Variants in C4orf50 observed in about 807,000 individuals in gnomAD.
C4orf50 encodes uncharacterized protein C4orf50.
Under a neutral mutation model 77.2 loss-of-function variants are expected in C4orf50, and 80 were observed. The observed-to-expected ratio is 1.04, with a 90% CI of 0.87 to 1.25. The LOEUF (loss-of-function observed/expected upper bound fraction) is 1.25, where lower values mean the gene tolerates loss of function less well. Ranked by LOEUF, C4orf50 falls within the 50% of genes most tolerant of loss-of-function variation. The pLI, the probability that C4orf50 is intolerant of heterozygous loss-of-function variation, is 0.00. For synonymous variants in C4orf50, 532 were observed against 465.3 expected, an observed-to-expected ratio of 1.14 and a Z score of -1.84; for missense variants, 1,257 against 1,152.9, an observed-to-expected ratio of 1.09 and a Z score of -1.31.
At chr4:5,945,918 T>C (rs1718461403) in intron 7 of C4orf50, among the ~76,000 whole-genome samples, 1 of 152,148 alleles carries the variant, frequency 6.6e-6, no homozygotes, top group African/African-American at 2.4e-5. Flanking sequence ...ATGACGTCCC[T>C]GGCTCCCTCG....
chr4:5,974,646 C>G (rs1159363716), intron 30 of C4orf50, among the ~76,000 whole-genome samples: 2 of 152,152 alleles, frequency 1.3e-5, no homozygotes, highest in Non-Finnish European at 2.9e-5. Flanking sequence ...CCACTCTGCC[C>G]TGAGGCCAGA....
intron 24 of C4orf50, among the ~76,000 whole-genome samples, chr4:6,010,177 C>T (rs957283407): frequency 2.6e-5 from 4 of 152,044 alleles, no homozygotes; most frequent in Admixed American, 1.3e-4. Flanking sequence ...ATATTTTCCA[C>T]GGAGACATCA....
At chr4:5,990,418 T>A in exon 28 of C4orf50, 1 of 410,812 alleles carries the variant, frequency 2.4e-6, no homozygotes, top group Middle Eastern at 6.2e-4. Flanking sequence ...GTCTTTCAGA[T>A]CCTTGGGGTG....
intron 7 of C4orf50, among the ~76,000 whole-genome samples, chr4:5,920,359 G>A (rs1349512210): frequency 6.6e-6 from 1 of 152,154 alleles, no homozygotes; most frequent in Non-Finnish European, 1.5e-5. Flanking sequence ...ATGATGAAGT[G>A]AGTTGAGGTG....
intron 7 of C4orf50, among the ~76,000 whole-genome samples, chr4:5,906,845 A>G (rs531848318): frequency 1.1e-3 from 164 of 152,334 alleles, no homozygotes; most frequent in African/African-American, 3.7e-3. Flanking sequence ...AGGAATAAGC[A>G]AGACAAAAAT....
exon 31 of C4orf50, chr4:5,973,798 C>T (rs776133301): frequency 1.3e-5 from 21 of 1,613,316 alleles, no homozygotes; most frequent in East Asian, 4.5e-5. Context: ...GGTGATCAGG[C>T]GGTTCCTCTC....
chr4:5,988,077 G>C (rs1271802581), intron 28 of C4orf50, among the ~76,000 whole-genome samples: 1 of 152,200 alleles, frequency 6.6e-6, no homozygotes, highest in Admixed American at 6.5e-5. Flanking sequence ...TCTAAGAAGA[G>C]GGGCAGGCTT....
At chr4:5,952,735 C>T (rs989971940), downstream of C4orf50, among the ~76,000 whole-genome samples, 1 of 152,154 alleles carries the variant, frequency 6.6e-6, no homozygotes, top group Non-Finnish European at 1.5e-5. The surrounding 1 kb of genome is among the most constrained non-coding windows in gnomAD (Gnocchi z 4.4). Flanking sequence ...TACTTAGATC[C>T]TCAGGGAGAA....
chr4:5,973,188 G>A (rs925933852), intron 31 of C4orf50, among the ~76,000 whole-genome samples: 1 of 152,188 alleles, frequency 6.6e-6, no homozygotes, highest in African/African-American at 2.4e-5. Context: ...GGGGCCACGT[G>A]CAATGGAGCA....
chr4:5,926,835 AG>A (rs35282482), intron 7 of C4orf50, among the ~76,000 whole-genome samples: 3 of 152,174 alleles, frequency 2.0e-5, no homozygotes, highest in African/African-American at 7.2e-5. Flanking sequence ...CTCTGGCCCG[AG>A]GGGGAACCAA....
chr4:5,947,174 T>C (rs1269201748), intron 7 of C4orf50, among the ~76,000 whole-genome samples: 1 of 152,200 alleles, frequency 6.6e-6, no homozygotes, highest in Admixed American at 6.5e-5. Context: ...AGTCACCTCT[T>C]TCCTGCTGAG....
At chr4:5,999,024 G>A (rs982301865) in intron 25 of C4orf50, among the ~76,000 whole-genome samples, 1 of 152,192 alleles carries the variant, frequency 6.6e-6, no homozygotes, top group African/African-American at 2.4e-5. Flanking sequence ...ACCTCGGGAG[G>A]AAGCATATGA....
chr4:6,009,170 T>C lies in C4orf50; in HGVS notation c.427-638A>G, dbSNP rs1722383056. On this transcript the variant is annotated intron_variant, in intron 24 of 33. Transcript: ENST00000531445. The surrounding 1 kb of genome is among the most constrained non-coding windows in gnomAD (Gnocchi z 5.6). ...AAGCGCCTTGTATCTGACTCAGGCCTTTTCTTCTTTCATCTGCCCACCTGC... is the reference window on the plus strand; with the variant it reads ...AAGCGCCTTGTATCTGACTCAGGCCCTTTCTTCTTTCATCTGCCCACCTGC... Among the ~76,000 whole-genome samples the C allele has an allele frequency of 6.6e-6, 1 of 152,194 alleles. No individual in the cohort carries two copies. The highest frequency in any genetic ancestry group is 6.5e-5 in the Admixed American group (1 of 15,282).
intron 25 of C4orf50, among the ~76,000 whole-genome samples, chr4:6,006,606 G>A (rs1722262178): frequency 6.6e-6 from 1 of 152,156 alleles, no homozygotes; most frequent in African/African-American, 2.4e-5. Flanking sequence ...ACCCAGTATG[G>A]AGCCGAGCAC....
At chr4:5,976,897 C>A (rs1175504519) in intron 29 of C4orf50, among the ~76,000 whole-genome samples, 1 of 152,224 alleles carries the variant, frequency 6.6e-6, no homozygotes, top group African/African-American at 2.4e-5. Context: ...TCTGGGCTGG[C>A]CTGAGATGCC....
chr4:5,912,639 T>G (rs1716858950), intron 7 of C4orf50, among the ~76,000 whole-genome samples: 2 of 152,132 alleles, frequency 1.3e-5, no homozygotes, highest in Non-Finnish European at 2.9e-5. Flanking sequence ...AAGAGTTTAT[T>G]ACTCACAGTT....
intron 28 of C4orf50, among the ~76,000 whole-genome samples, chr4:5,983,312 CCTTCTGCAACCTGCCTTGTGACAG>C (rs1720697440): frequency 6.6e-6 from 1 of 152,202 alleles, no homozygotes; most frequent in Admixed American, 6.5e-5. Context: ...GGCCTGCAAG[CCTTCTGCAACCTGCCTTGTGACAG>C]CTTCTCCAAC....
exon 28 of C4orf50, chr4:5,989,780 T>G (rs531601921): frequency 6.6e-7 from 1 of 1,523,862 alleles, no homozygotes; most frequent in Non-Finnish European, 8.8e-7. Flanking sequence ...ATTTCCTTGC[T>G]CTCATGTTCC....
chr4:5,995,557 G>T (rs1429570442), intron 25 of C4orf50, among the ~76,000 whole-genome samples: 1 of 151,134 alleles, frequency 6.6e-6, no homozygotes, highest in Non-Finnish European at 1.5e-5. Flanking sequence ...CTGGGCACAG[G>T]TCTCCTCTGG....
Sources: allele counts gnomAD v4.1 joint callset (sites outside exome capture counted in the v4.1 genomes callset), GRCh38; gene constraint gnomAD v4.1.1; non-coding constraint Gnocchi (gnomAD v3.1); transcripts MANE v1.5; gene names NCBI Gene and HGNC (gene_info 2026-07-23, HGNC 2026-07-21).